Variants in MYO1C observed in about 807,000 individuals in gnomAD.
MYO1C encodes unconventional myosin-Ic.
MYO1C carries 104 observed loss-of-function variants against 150.8 expected under a neutral mutation model. The observed-to-expected ratio is 0.69, with a 90% confidence interval of 0.59 to 0.81. MYO1C has a LOEUF of 0.81. Among genes scored for constraint, MYO1C ranks in the 30% least tolerant of loss-of-function variants. The probability of loss-of-function intolerance (pLI) is 0.00; values close to 1 mark genes in which losing one functional copy is unlikely to be tolerated. For missense variants in MYO1C, 1,504 were observed against 1,435.0 expected, an observed-to-expected ratio of 1.05 and a Z score of -0.78; for synonymous variants, 663 against 579.9, an observed-to-expected ratio of 1.14 and a Z score of -2.06.
chr17:1,479,549 C>CCCCCCCCCCCG lies in MYO1C; in HGVS notation c.1020+42_1020+43insCGGGGGGGGGG. On this transcript the variant is annotated intron_variant, in intron 8 of 31. Transcript: ENST00000648651. The surrounding 1 kb of genome is among the most constrained non-coding windows in gnomAD (Gnocchi z 4.2). ...ACGGTGAGGGTGCACCCCCAGCCCC[C>CCCCCCCCCCCG]GCCCCCGCCGTCCTCCCGTCGCCCT... is the stretch of plus-strand genomic sequence containing the variant. 2.1e-6 allele frequency: 3 copies of CCCCCCCCCCCG among 1,403,480 alleles called. No homozygotes were observed. Among genetic ancestry groups the CCCCCCCCCCCG allele is most frequent in the Non-Finnish European group, 3.0e-6 (3 of 1,009,052 alleles). 86.9% of individuals were successfully genotyped at this position (1,403,480 alleles called of 1,614,324 possible).
chr17:1,467,904 G>A lies in MYO1C; in HGVS notation c.2903C>T (p.Ser968Phe), dbSNP rs1248332403. The change falls in exon 29 of 32, where the codon TCT becomes TTT. Residue 968 changes from serine (S) to phenylalanine (F), a missense_variant. Ser to Phe is a radical substitution (Grantham distance 155, BLOSUM62 -2). Transcript: ENST00000648651. ...RIDYANLTGISVSSLSDSLFV... is the reference protein window; with the variant it reads ...RIDYANLTGIFVSSLSDSLFV... ...AAGACTGTCGCTCAGGCTGCTGACA[G>A]AGATTCCTGAGGGGAGAGGGCAAAG... 1.9e-6 allele frequency: 3 copies of A among 1,612,180 alleles called. No individual in the cohort carries two copies. Among genetic ancestry groups the A allele is most frequent in the Non-Finnish European group, 2.5e-6 (3 of 1,179,702 alleles).
chr17:1,490,324 C>T (rs954220633), intron 1 of MYO1C, among the ~76,000 whole-genome samples: 2 of 133,042 alleles, frequency 1.5e-5, no homozygotes, highest in Admixed American at 7.5e-5. Flanking sequence ...GGTGAAACCC[C>T]GTCTCTACTA....
At position 1,466,072 on chromosome 17, in the gene MYO1C, G is replaced by A. The variant is rs34086122; in HGVS notation, c.3166-320C>T. 0.11 allele frequency among the ~76,000 whole-genome samples: 16,040 copies of A among 151,782 alleles called. 891 individuals carry two copies. Among genetic ancestry groups the A allele is most frequent in the Admixed American group, 0.16 (2,405 of 15,240 alleles). On this transcript the variant is annotated intron_variant, in intron 31 of 31. Coordinates refer to ENST00000648651, the MANE Select transcript of MYO1C (RefSeq NM_001080779.2). ...CTCCCATAGGAATGCCCACCGCCCT[G>A]GCCAGCGTGAGCCTGTGAGCCTGTC...
At chr17:1,483,860 A>G (rs1361450795) in intron 2 of MYO1C, 135 bp from the exon 3 acceptor site, 2 of 746,976 alleles carry the variant, frequency 2.7e-6, no homozygotes, top group East Asian at 2.7e-5. Flanking sequence ...CCTGACCAAC[A>G]TGGAGAAATC....
rs762525234 is a variant in MYO1C, at chr17:1,474,809, C to T, written c.1716+3G>A. On this transcript the variant is annotated splice_donor_region_variant and intron_variant, in intron 16 of 31. Coordinates refer to ENST00000648651, the MANE Select transcript of MYO1C (RefSeq NM_001080779.2). ...CACCCCGGCCTCCCCACGTCCTCCT[C>T]ACCTCCTTAAGGTTCCGGAAGAGAA... 19 of 1,613,566 alleles carry T rather than the reference C, an allele frequency of 1.2e-5. No homozygotes were observed. Among genetic ancestry groups the T allele is most frequent in the South Asian group, 3.3e-5 (3 of 91,078 alleles).
intron 17 of MYO1C, among the ~76,000 whole-genome samples, chr17:1,473,310 A>G (rs1401790405): frequency 6.6e-6 from 1 of 152,196 alleles, no homozygotes; most frequent in Non-Finnish European, 1.5e-5. Flanking sequence ...CGTTTGTTAT[A>G]GACCAGTGGG....
chr17:1,488,422 G>C (rs2074692986), intron 1 of MYO1C, among the ~76,000 whole-genome samples: 1 of 152,262 alleles, frequency 6.6e-6, no homozygotes, highest in Non-Finnish European at 1.5e-5. Context: ...GAACCTGGGT[G>C]GGAAAGACGC....
At chr17:1,471,707 C>T (rs535121765) in intron 19 of MYO1C, among the ~76,000 whole-genome samples, 200 bp downstream of exon 19, 1 of 152,314 alleles carries the variant, frequency 6.6e-6, no homozygotes, top group South Asian at 2.1e-4. Context: ...CTGGAGGGCA[C>T]GGCCTGGGGG....
At chr17:1,485,807 C>A (rs533955734) in intron 1 of MYO1C, 8 of 672,514 alleles carry the variant, frequency 1.2e-5, no homozygotes, top group African/African-American at 3.9e-5. Context: ...GGGCCCGCCC[C>A]CCGCACCGCC....
chr17:1,467,754 C>A, intron 29 of MYO1C, 86 bp downstream of exon 29: 1 of 609,116 alleles, frequency 1.6e-6, no homozygotes, highest in South Asian at 1.8e-5. Flanking sequence ...CCCATCCACC[C>A]CCACACCCCC....
intron 31 of MYO1C, 104 bp downstream of exon 31, chr17:1,467,138 C>G (rs1197561194): frequency 2.8e-6 from 3 of 1,086,252 alleles, no homozygotes; most frequent in South Asian, 2.7e-5. Context: ...ATGATGGCCT[C>G]TGGATGAAGG....
At chr17:1,473,736 C>G (rs1207314740) in intron 17 of MYO1C, among the ~76,000 whole-genome samples, 1 of 152,138 alleles carries the variant, frequency 6.6e-6, no homozygotes, top group Non-Finnish European at 1.5e-5. Flanking sequence ...TTCCTGCTCA[C>G]CTCATGGCCT....
intron 1 of MYO1C, chr17:1,484,673 G>A: frequency 2.3e-6 from 1 of 430,758 alleles, no homozygotes; most frequent in South Asian, 2.1e-5. Context: ...TCACAAGAAG[G>A]AACTCCTTGA....
In MYO1C at chr17:1,477,522, G is replaced by T. The variant is rs1486086665; in HGVS notation, c.1557C>A (p.His519Gln). ...CCACTCACGTCAGGAAGTGTGGATG[G>T]TGCTTGACAGTATCCTCCAGCTTCT... ...FLEKLEDTVKHHPHFLTHKLA... is the reference protein window; with the variant it reads ...FLEKLEDTVKQHPHFLTHKLA... Residue 519 changes from histidine to glutamine, a missense_variant, in exon 14 of 32, where the codon CAC (histidine) becomes CAA (glutamine). Transcript: ENST00000648651. 6.2e-7 allele frequency: 1 copy of T among 1,613,560 alleles called. No homozygotes were observed. Among genetic ancestry groups the T allele is most frequent in the Non-Finnish European group, 8.5e-7 (1 of 1,179,994 alleles).
chr17:1,483,184 G>T, intron 3 of MYO1C, 125 bp from the exon 4 acceptor site: 1 of 965,198 alleles, frequency 1.0e-6, no homozygotes, highest in Non-Finnish European at 1.5e-6. Context: ...GATGGGGACT[G>T]GGGGTCCCTC....
At chr17:1,481,184 G>A in intron 5 of MYO1C, 1 of 433,870 alleles carries the variant, frequency 2.3e-6, no homozygotes, top group South Asian at 2.3e-5. Context: ...ACAAGCTCCT[G>A]TTAGTGTCTG....
At chr17:1,489,013 T>TA (rs930961281) in intron 1 of MYO1C, among the ~76,000 whole-genome samples, 10 of 152,246 alleles carry the variant, frequency 6.6e-5, no homozygotes, top group African/African-American at 2.2e-4. Flanking sequence ...ACACAGATCT[T>TA]GCCATGGGGT....
Position 1,479,127 on chromosome 17 carries a change from T to C in MYO1C, c.1092+304A>G, listed in dbSNP as rs2074460791. Among the ~76,000 whole-genome samples the C allele has an allele frequency of 6.6e-6, 1 of 152,138 alleles. No individual in the cohort carries two copies. Among genetic ancestry groups the C allele is most frequent in the Non-Finnish European group, 1.5e-5 (1 of 68,008 alleles). On this transcript the variant is annotated intron_variant, in intron 9 of 31. Coordinates refer to ENST00000648651, the MANE Select transcript of MYO1C (RefSeq NM_001080779.2). The surrounding 1 kb of genome is among the most constrained non-coding windows in gnomAD (Gnocchi z 4.2). Reference sequence around the variant, plus strand: ...CTCCTGCCTCAGCCTCCCGAGTAGCTGGGATTACAGGCGCCCGCCACCATG... The same window carrying C: ...CTCCTGCCTCAGCCTCCCGAGTAGCCGGGATTACAGGCGCCCGCCACCATG...
In MYO1C at chr17:1,468,082, C is replaced by T. The variant is rs45598333; in HGVS notation, c.2802G>A (p.Lys934=). The part of the protein sequence containing the change: ...PVVKYDRKGY[K]PRSRQLLLTP... ...TGAGCAGCAGCTGCCGGGAGCGAGG[C>T]TTGTAGCCCTTGCGGTCGTATTTCA... The change falls in exon 28 of 32, where the codon AAG becomes AAA. Residue 934 remains lysine (K), a synonymous_variant. Transcript: ENST00000648651. The T allele has an allele frequency of 0.026, 42,477 of 1,613,492 alleles. 682 individuals carry two copies. Among genetic ancestry groups the T allele is most frequent in the Non-Finnish European group, 0.032 (37,593 of 1,179,948 alleles).
Sources: gnomAD v4.1 joint callset for allele counts (sites outside exome capture counted in the v4.1 genomes callset) on GRCh38, gnomAD v4.1.1 for gene constraint, Gnocchi (gnomAD v3.1) non-coding constraint, MANE v1.5 for transcripts, NCBI Gene and HGNC (gene_info 2026-07-23, HGNC 2026-07-21) for gene names.